PAK5: variants seen among roughly 807,000 people sequenced by gnomAD.
The protein encoded by PAK5 is p21 (RAC1) activated kinase 5.
A neutral mutation model predicts 65.9 loss-of-function variants in PAK5; 16 were observed. The ratio of observed to expected loss-of-function variants is 0.24; its 90% CI spans 0.16 to 0.37. The LOEUF is 0.37. Ranked by LOEUF, PAK5 falls within the 10% of genes least tolerant of loss-of-function variation. The probability of loss-of-function intolerance (pLI) is 1.00; values close to 1 mark genes in which losing one functional copy is unlikely to be tolerated. For synonymous variants in PAK5, 371 were observed against 354.9 expected (o/e 1.05, Z -0.51); for missense variants, 785 against 903.9 (o/e 0.87, Z 1.69).
chr20:9,580,663 G>C lies in PAK5; in HGVS notation c.472C>G (p.Pro158Ala), dbSNP rs867283576. The C allele has an allele frequency of 4.3e-6, 7 of 1,613,990 alleles. No individual in the cohort carries two copies. The highest frequency in any genetic ancestry group is 5.9e-6 in the Non-Finnish European group (7 of 1,180,008). The change falls in exon 4 of 10, where the codon CCG becomes GCG. Residue 158 changes from proline to alanine, a missense_variant. This residue lies in a region of PAK5 where 422 missense variants were observed against 413.3 expected (regional missense o/e 1.02). Transcript: ENST00000353224. ...EKSLYGDDLD[P>A]YYRGSHAAKQ... ...GCTGCGTGGCTGCCTCTATAATACG[G>C]ATCCAGATCATCTCCATAGAGACTC...
In PAK5 at chr20:9,612,640, C is replaced by T. The variant is rs955331651; in HGVS notation, c.204+31485G>A. ...ACCGTTCGTGAGAACTCCACCCCCCCGATCCAATCACCTCCCACCAGGCCC... is the reference window on the plus strand; with the variant it reads ...ACCGTTCGTGAGAACTCCACCCCCCTGATCCAATCACCTCCCACCAGGCCC... On this transcript the variant is annotated intron_variant, in intron 3 of 9. Transcript: ENST00000353224. Among the ~76,000 whole-genome samples, 6 of 152,032 alleles carry T rather than the reference C, an allele frequency of 3.9e-5. 1 individual carries two copies. Among genetic ancestry groups the T allele is most frequent in the East Asian group, 1.9e-4 (1 of 5,162 alleles).
intron 2 of PAK5, among the ~76,000 whole-genome samples, chr20:9,665,146 C>T (rs2047399667): frequency 1.5e-5 from 2 of 135,980 alleles, no homozygotes; most frequent in South Asian, 2.6e-4. Context: ...TCTCAAACTC[C>T]TGGGCTCAAG....
intron 2 of PAK5, among the ~76,000 whole-genome samples, chr20:9,674,905 T>G (rs1289470561): frequency 6.6e-6 from 1 of 152,156 alleles, no homozygotes; most frequent in Non-Finnish European, 1.5e-5. Flanking sequence ...TGGAGATGCT[T>G]CCATTGGCTG....
intron 2 of PAK5, among the ~76,000 whole-genome samples, chr20:9,684,232 T>G (rs923689725): frequency 1.3e-5 from 2 of 152,164 alleles, no homozygotes; most frequent in Non-Finnish European, 2.9e-5. Context: ...AAATAAACTG[T>G]TTGGGCTCAG....
intron 3 of PAK5, among the ~76,000 whole-genome samples, chr20:9,585,160 A>G (rs2046047282): frequency 6.6e-6 from 1 of 152,270 alleles, no homozygotes; most frequent in South Asian, 2.1e-4. Context: ...AATTCTATCC[A>G]TCTTAAACAA....
intron 1 of PAK5, among the ~76,000 whole-genome samples, chr20:9,767,950 G>A (rs181167901): frequency 2.8e-4 from 42 of 152,270 alleles, no homozygotes; most frequent in Non-Finnish European, 3.1e-4. Context: ...TCATGTCTTT[G>A]CAGCAGCATG....
intron 3 of PAK5, among the ~76,000 whole-genome samples, chr20:9,594,638 C>G (rs1160235695): frequency 6.6e-6 from 1 of 152,142 alleles, no homozygotes; most frequent in Non-Finnish European, 1.5e-5. Context: ...CTGTATTGTA[C>G]CCTCCAATGA....
intron 3 of PAK5, among the ~76,000 whole-genome samples, chr20:9,628,873 G>A (rs2123218389): frequency 6.6e-6 from 1 of 152,262 alleles, no homozygotes; most frequent in South Asian, 2.1e-4. Flanking sequence ...TGGGAGCAAC[G>A]CACAACCAAG....
At chr20:9,747,201 C>A (rs1185501126) in intron 1 of PAK5, among the ~76,000 whole-genome samples, 1 of 152,108 alleles carries the variant, frequency 6.6e-6, no homozygotes, top group East Asian at 1.9e-4. Flanking sequence ...CAATAGCTTA[C>A]CAACTAAAAA....
chr20:9,556,397 C>A (rs1427166396), intron 7 of PAK5, among the ~76,000 whole-genome samples: 1 of 152,282 alleles, frequency 6.6e-6, no homozygotes, highest in Admixed American at 6.5e-5. Flanking sequence ...GAAAGAAAAG[C>A]CAAAGTGCTT....
chr20:9,668,978 C>T (rs2047456799), intron 2 of PAK5, among the ~76,000 whole-genome samples: 1 of 152,140 alleles, frequency 6.6e-6, no homozygotes. Context: ...CTTGGATCCA[C>T]AGGATCATAA....
chr20:9,574,715 A>G (rs1478838761), intron 4 of PAK5, among the ~76,000 whole-genome samples: 1 of 152,258 alleles, frequency 6.6e-6, no homozygotes, highest in Non-Finnish European at 1.5e-5. Flanking sequence ...AGTCTCCATC[A>G]GAAGGGACAG....
intron 1 of PAK5, among the ~76,000 whole-genome samples, chr20:9,830,576 C>A (rs1199065062): frequency 6.6e-6 from 1 of 152,128 alleles, no homozygotes; most frequent in African/African-American, 2.4e-5. Flanking sequence ...CCATATTATA[C>A]CTCTTGCTTC....
chr20:9,670,270 C>A (rs1170086471), intron 2 of PAK5, among the ~76,000 whole-genome samples: 1 of 152,164 alleles, frequency 6.6e-6, no homozygotes, highest in African/African-American at 2.4e-5. Context: ...GATTTATAAT[C>A]CTCTGGGTAT....
chr20:9,749,655 A>G (rs1487517429), intron 1 of PAK5, among the ~76,000 whole-genome samples: 1 of 152,140 alleles, frequency 6.6e-6, no homozygotes, highest in African/African-American at 2.4e-5. Context: ...CTTTTATAAT[A>G]TTTATTACCC....
chr20:9,784,970 T>C (rs1387173701), intron 1 of PAK5, among the ~76,000 whole-genome samples: 4 of 152,102 alleles, frequency 2.6e-5, no homozygotes, highest in African/African-American at 9.7e-5. Flanking sequence ...ATTTCCTTTA[T>C]TTTAATATAG....
intron 1 of PAK5, among the ~76,000 whole-genome samples, chr20:9,752,647 A>C (rs1021572251): frequency 8.5e-5 from 13 of 152,186 alleles, no homozygotes; most frequent in African/African-American, 3.1e-4. Flanking sequence ...CAATTTAAAA[A>C]ATTTAAAAAT....
At chr20:9,646,402 G>A (rs1029332431) in intron 2 of PAK5, among the ~76,000 whole-genome samples, 6 of 152,128 alleles carry the variant, frequency 3.9e-5, no homozygotes, top group Admixed American at 6.5e-5. Context: ...TAATGAAAAC[G>A]GATGAAAGAG....
chr20:9,689,232 T>C (rs2123427319), intron 2 of PAK5, among the ~76,000 whole-genome samples: 1 of 152,316 alleles, frequency 6.6e-6, no homozygotes, highest in East Asian at 1.9e-4. Flanking sequence ...AGGTTCTGTC[T>C]GCCACTTCTC....
Sources: allele counts gnomAD v4.1 joint callset (sites outside exome capture counted in the v4.1 genomes callset), GRCh38; gene constraint gnomAD v4.1.1; regional missense constraint gnomAD v4.1.1; transcripts MANE v1.5; gene names NCBI Gene and HGNC (gene_info 2026-07-23, HGNC 2026-07-21).